THSD7B: variants seen among roughly 807,000 people sequenced by gnomAD.
The protein encoded by THSD7B is thrombospondin type-1 domain-containing protein 7B.
Under a neutral mutation model 213.6 loss-of-function variants are expected in THSD7B, and 138 were observed. The ratio of observed to expected loss-of-function variants is 0.65; its 90% CI spans 0.56 to 0.74. The LOEUF is 0.74. Among genes scored for constraint, THSD7B ranks in the 30% least tolerant of loss-of-function variants. THSD7B has a pLI of 0.00. For missense variants in THSD7B, 1,931 were observed against 1,991.5 expected (o/e 0.97, Z 0.58); for synonymous variants, 742 against 687.0 (o/e 1.08, Z -1.25).
chr2:136,788,044 T>C (rs549400213), intron 1 of THSD7B, among the ~76,000 whole-genome samples: 11 of 152,260 alleles, frequency 7.2e-5, no homozygotes, highest in African/African-American at 2.6e-4. Context: ...AGAAATGAGA[T>C]ATGTGAGTAT....
At chr2:137,118,330 A>G (rs941080742) in intron 5 of THSD7B, among the ~76,000 whole-genome samples, 2 of 152,174 alleles carry the variant, frequency 1.3e-5, no homozygotes, top group South Asian at 2.1e-4. Context: ...TAAAACATGA[A>G]TCAAGGAATG....
intron 7 of THSD7B, among the ~76,000 whole-genome samples, chr2:137,219,557 G>T (rs963794080): frequency 2.6e-5 from 4 of 152,088 alleles, no homozygotes; most frequent in Admixed American, 1.3e-4. Flanking sequence ...CTTCCTAGAG[G>T]CCTGAGCTGA....
chr2:136,892,905 G>A (rs1357165765), intron 2 of THSD7B, among the ~76,000 whole-genome samples: 1 of 152,158 alleles, frequency 6.6e-6, no homozygotes, highest in East Asian at 1.9e-4. Flanking sequence ...AAGCCGCTTA[G>A]AGCTCCTACA....
intron 14 of THSD7B, among the ~76,000 whole-genome samples, chr2:137,426,286 T>G (rs1010590515): frequency 1.3e-4 from 20 of 151,918 alleles, no homozygotes; most frequent in African/African-American, 4.6e-4. Context: ...GCAACCCTTA[T>G]CAAAACCTCA....
intron 1 of THSD7B, among the ~76,000 whole-genome samples, chr2:136,874,231 G>A (rs899716367): frequency 2.0e-5 from 3 of 152,140 alleles, no homozygotes; most frequent in Non-Finnish European, 4.4e-5. Context: ...GGGACTTCAG[G>A]TTGTTGCTTG....
intron 1 of THSD7B, among the ~76,000 whole-genome samples, chr2:136,784,470 T>G (rs1349239862): frequency 6.6e-6 from 1 of 152,182 alleles, no homozygotes; most frequent in Non-Finnish European, 1.5e-5. Flanking sequence ...TTTTGTAGGC[T>G]CCATTCTTTG....
intron 12 of THSD7B, among the ~76,000 whole-genome samples, chr2:137,327,736 T>C (rs972063447): frequency 6.6e-6 from 1 of 152,196 alleles, no homozygotes; most frequent in African/African-American, 2.4e-5. Context: ...ATAAAAAATG[T>C]TTTCAAGCAA....
chr2:136,927,326 G>A (rs1296143144), intron 2 of THSD7B, among the ~76,000 whole-genome samples: 2 of 152,030 alleles, frequency 1.3e-5, no homozygotes, highest in African/African-American at 4.8e-5. Context: ...CAGGTGGGCA[G>A]CCGGTATGCT....
chr2:136,766,683 A>G (rs920343920), intron 1 of THSD7B, among the ~76,000 whole-genome samples: 1 of 152,200 alleles, frequency 6.6e-6, no homozygotes. Flanking sequence ...GTCTGAGCTC[A>G]GAGCTTCCCA....
intron 2 of THSD7B, among the ~76,000 whole-genome samples, chr2:136,920,077 A>G (rs1573710848): frequency 6.6e-6 from 1 of 152,104 alleles, no homozygotes; most frequent in South Asian, 2.1e-4. Flanking sequence ...CCTTCTTGTC[A>G]CCTGCCACAT....
rs865829825 is a variant in THSD7B, at chr2:137,572,912, C to G, written c.3423+356C>G. Among the ~76,000 whole-genome samples the G allele has an allele frequency of 6.2e-4, 94 of 152,042 alleles. 1 individual carries two copies. The highest frequency in any genetic ancestry group is 1.6e-3 in the African/African-American group (67 of 41,520). ...ATCTTGGTCCTGTTCCATTTTTATC[C>G]TGGCAGAATCAATTACATCTTAGGA... On this transcript the variant is annotated intron_variant, in intron 17 of 27. Coordinates refer to ENST00000409968, the MANE Select transcript of THSD7B (RefSeq NM_001316349.2).
At chr2:137,503,984 G>A (rs1679774717) in intron 15 of THSD7B, among the ~76,000 whole-genome samples, 1 of 149,566 alleles carries the variant, frequency 6.7e-6, no homozygotes, top group Admixed American at 6.7e-5. Flanking sequence ...CCAAGATCAT[G>A]CCAGTGCACT....
At chr2:136,902,347 A>T (rs1194635276) in intron 2 of THSD7B, among the ~76,000 whole-genome samples, 1 of 152,236 alleles carries the variant, frequency 6.6e-6, no homozygotes, top group Non-Finnish European at 1.5e-5. Flanking sequence ...GGTCATTGTC[A>T]TTGTTTGGAT....
intron 1 of THSD7B, among the ~76,000 whole-genome samples, chr2:136,859,462 C>T (rs530648838): frequency 6.6e-6 from 1 of 152,332 alleles, no homozygotes; most frequent in East Asian, 1.9e-4. Flanking sequence ...TTAACAAGCA[C>T]TGTGCTGATG....
At chr2:136,931,530 T>C (rs946740283) in intron 2 of THSD7B, among the ~76,000 whole-genome samples, 1 of 152,162 alleles carries the variant, frequency 6.6e-6, no homozygotes, top group Non-Finnish European at 1.5e-5. Flanking sequence ...CTTTCCCTCA[T>C]GCTGGGAGGG....
At chr2:136,815,393 A>G (rs1682452833) in intron 1 of THSD7B, among the ~76,000 whole-genome samples, 1 of 152,182 alleles carries the variant, frequency 6.6e-6, no homozygotes, top group South Asian at 2.1e-4. Flanking sequence ...TTAGATTAAT[A>G]AGATGTTGTT....
intron 2 of THSD7B, among the ~76,000 whole-genome samples, chr2:137,021,751 C>A (rs575694357): frequency 6.6e-6 from 1 of 152,314 alleles, no homozygotes; most frequent in East Asian, 1.9e-4. Context: ...CCCATACTCA[C>A]CATCCCTGAC....
intron 10 of THSD7B, among the ~76,000 whole-genome samples, chr2:137,258,618 G>A (rs914767075): frequency 1.3e-4 from 19 of 148,240 alleles, no homozygotes; most frequent in African/African-American, 4.0e-4. Flanking sequence ...CCCCCCACCC[G>A]CCACAGGCAC....
intron 15 of THSD7B, among the ~76,000 whole-genome samples, chr2:137,455,344 A>G (rs994496422): frequency 1.3e-5 from 2 of 152,212 alleles, no homozygotes; most frequent in Admixed American, 6.5e-5. Context: ...TAGAGGAAAG[A>G]GATCAGAATC....
Sources: gnomAD v4.1 joint callset for allele counts (sites outside exome capture counted in the v4.1 genomes callset) on GRCh38, gnomAD v4.1.1 for gene constraint, MANE v1.5 for transcripts, NCBI Gene and HGNC (gene_info 2026-07-23, HGNC 2026-07-21) for gene names.